SLIT2: variants seen among roughly 807,000 people sequenced by gnomAD.
SLIT2 encodes the protein slit guidance ligand 2, also known as slit homolog 2 protein.
A neutral mutation model predicts 185.7 loss-of-function variants in SLIT2; 41 were observed. The ratio of observed to expected loss-of-function variants is 0.22; its 90% CI spans 0.17 to 0.29. SLIT2 has a LOEUF of 0.29. SLIT2 is among the 10% of genes least tolerant of loss of function. The pLI is 1.00. For missense variants in SLIT2, 1,571 were observed against 1,909.0 expected, an observed-to-expected ratio of 0.82 and a Z score of 3.30; for synonymous variants, 693 against 680.2, an observed-to-expected ratio of 1.02 and a Z score of -0.29.
At chr4:20,280,989 C>T (rs547780362) in intron 4 of SLIT2, among the ~76,000 whole-genome samples, 9 of 152,166 alleles carry the variant, frequency 5.9e-5, no homozygotes, top group African/African-American at 1.7e-4. Context: ...TGCGCCACCA[C>T]GCCCGGCTGA....
At chr4:20,275,615 A>G (rs1317855097) in intron 4 of SLIT2, among the ~76,000 whole-genome samples, 1 of 152,162 alleles carries the variant, frequency 6.6e-6, no homozygotes, top group African/African-American at 2.4e-5. Context: ...AGTCACATTA[A>G]TTATCTTACC....
chr4:20,318,684 T>G (rs996193204), intron 4 of SLIT2, among the ~76,000 whole-genome samples: 1 of 152,168 alleles, frequency 6.6e-6, no homozygotes, highest in African/African-American at 2.4e-5. Context: ...TAGCTCACTT[T>G]GAACACAAGC....
intron 3 of SLIT2, among the ~76,000 whole-genome samples, chr4:20,266,757 A>T (rs180788452): frequency 6.6e-6 from 1 of 152,100 alleles, no homozygotes; most frequent in East Asian, 1.9e-4. Context: ...ATGAATAAAT[A>T]TTACACAGTG....
At chr4:20,540,635 A>G (rs1402285014) in intron 19 of SLIT2, among the ~76,000 whole-genome samples, 1 of 152,226 alleles carries the variant, frequency 6.6e-6, no homozygotes, top group Non-Finnish European at 1.5e-5. Context: ...TTTCTCAGTA[A>G]CGGTGGCATG....
At chr4:20,396,101 A>G (rs1337107254) in intron 4 of SLIT2, among the ~76,000 whole-genome samples, 3 of 151,952 alleles carry the variant, frequency 2.0e-5, no homozygotes, top group Non-Finnish European at 2.9e-5. Flanking sequence ...CACAGAGTAT[A>G]TAATAACAAA....
chr4:20,570,212 T>G (rs527671135), intron 29 of SLIT2, among the ~76,000 whole-genome samples: 29 of 152,198 alleles, frequency 1.9e-4, no homozygotes, highest in African/African-American at 6.7e-4. Flanking sequence ...AAGTTTCCAG[T>G]AGAAATTTGA....
chr4:20,331,158 A>C (rs948683695), intron 4 of SLIT2, among the ~76,000 whole-genome samples: 2 of 152,288 alleles, frequency 1.3e-5, no homozygotes, highest in East Asian at 3.9e-4. Flanking sequence ...GATACTAGAC[A>C]TGCCTTTTTG....
At position 20,518,571 on chromosome 4, in the gene SLIT2, A is replaced by G. The variant is rs1471295982; in HGVS notation, c.1059-811A>G. Among the ~76,000 whole-genome samples, 50 of 15,978 alleles carry G rather than the reference A, an allele frequency of 3.1e-3. 4 individuals carry two copies. Among genetic ancestry groups the G allele is most frequent in the East Asian group, 0.022 (9 of 416 alleles). The allele number at this position is 15,978 out of a possible 152,430, so 10.5% of individuals were successfully genotyped here. ...CCAGCCTATATGTATATATATATAT[A>G]TATATATATATATATATTTTTTTTT... is the stretch of plus-strand genomic sequence containing the variant. On this transcript the variant is annotated intron_variant, in intron 11 of 36. Coordinates refer to ENST00000504154, the MANE Select transcript of SLIT2 (RefSeq NM_004787.4).
chr4:20,560,596 T>C (rs1180774142), intron 26 of SLIT2, among the ~76,000 whole-genome samples: 1 of 151,988 alleles, frequency 6.6e-6, no homozygotes, highest in African/African-American at 2.4e-5. Context: ...CAGATAGTCA[T>C]TGAGAAAGTC....
rs185355849 is a variant in SLIT2, at chr4:20,427,564, C to T, written c.396-40188C>T. On this transcript the variant is annotated intron_variant, in intron 4 of 36. Coordinates refer to ENST00000504154, the MANE Select transcript of SLIT2 (RefSeq NM_004787.4). Reference sequence around the variant, plus strand: ...TTTTGTGTCCAAAGTTAATTAATAACGGCTGCAGGCCAGTGTTCTTGTAGG... The same window carrying T: ...TTTTGTGTCCAAAGTTAATTAATAATGGCTGCAGGCCAGTGTTCTTGTAGG... Among the ~76,000 whole-genome samples, 228 of 152,154 alleles carry T rather than the reference C, an allele frequency of 1.5e-3. 1 individual carries two copies. Among genetic ancestry groups the T allele is most frequent in the Admixed American group, 2.2e-3 (34 of 15,276 alleles).
At chr4:20,576,193 C>T (rs992015322) in intron 29 of SLIT2, among the ~76,000 whole-genome samples, 1 of 152,134 alleles carries the variant, frequency 6.6e-6, no homozygotes, top group African/African-American at 2.4e-5. Flanking sequence ...TGATGCCATT[C>T]CTCATGGCAG....
intron 4 of SLIT2, among the ~76,000 whole-genome samples, chr4:20,431,724 C>T (rs1294187403): frequency 3.3e-5 from 5 of 152,166 alleles, no homozygotes; most frequent in African/African-American, 4.8e-5. Flanking sequence ...GGTCGAGGTC[C>T]GCTGTAACAT....
At position 20,253,133 on chromosome 4, in the gene SLIT2, C is replaced by G. The variant is rs1722169908; in HGVS notation, c.-683C>G. 1 of 153,606 alleles carries G rather than the reference C, an allele frequency of 6.5e-6. No homozygotes were observed. The highest frequency in any genetic ancestry group is 2.4e-5 in the African/African-American group (1 of 41,422). The allele number at this position is 153,606 out of a possible 1,614,324, so 9.5% of individuals were successfully genotyped here. On this transcript the variant is annotated 5_prime_UTR_variant, in exon 1 of 37. Coordinates refer to ENST00000504154, the MANE Select transcript of SLIT2 (RefSeq NM_004787.4). The stretch of plus-strand genomic sequence containing the variant: ...ACCATCGTTGGCTGTCGGGAGACCG[C>G]GAGGACCGGTCCAGGCTGCGGCGGA...
At chr4:20,507,470 T>C (rs924616860) in intron 9 of SLIT2, among the ~76,000 whole-genome samples, 4 of 151,930 alleles carry the variant, frequency 2.6e-5, no homozygotes, top group African/African-American at 9.7e-5. Flanking sequence ...ATTTCAGAAG[T>C]CTCTATGCTG....
intron 4 of SLIT2, among the ~76,000 whole-genome samples, chr4:20,330,813 CAG>C (rs1720000459): frequency 6.8e-6 from 1 of 148,068 alleles, no homozygotes; most frequent in South Asian, 2.1e-4. Context: ...CATGGTCTTA[CAG>C]AGTTAGAAAA....
At position 20,595,782 on chromosome 4, in the gene SLIT2, C is replaced by T; in HGVS notation, c.3268C>T (p.His1090Tyr). 1.2e-6 allele frequency: 2 copies of T among 1,614,090 alleles called. No individual in the cohort carries two copies. The highest frequency in any genetic ancestry group is 8.5e-7 in the Non-Finnish European group (1 of 1,179,998). The change falls in exon 31 of 37, where the codon CAC becomes TAC. Residue 1090 changes from histidine to tyrosine, a missense_variant. Physicochemically the swap from His to Tyr is moderately conservative, Grantham distance 83. Around this residue, in one of 3 missense-constraint regions of SLIT2, gnomAD observed 1,202 missense variants for 1,416.4 expected, o/e 0.85. Transcript: ENST00000504154. ...CQDNKCKNGAHCTDAVNGYTC... is the reference protein window; with the variant it reads ...CQDNKCKNGAYCTDAVNGYTC... ...AGACAACAAGTGTAAAAACGGAGCCCACTGCACAGATGCAGTGAACGGCTA... is the reference window on the plus strand; with the variant it reads ...AGACAACAAGTGTAAAAACGGAGCCTACTGCACAGATGCAGTGAACGGCTA...
intron 17 of SLIT2, 183 bp from the exon 18 acceptor site, chr4:20,533,389 T>G (rs1560171736): frequency 3.4e-6 from 2 of 596,152 alleles, no homozygotes; most frequent in Non-Finnish European, 6.1e-6. Context: ...AGACATTCCC[T>G]GTTAGTATTA....
chr4:20,485,215 G>T (rs2148786792), intron 6 of SLIT2, among the ~76,000 whole-genome samples: 1 of 152,208 alleles, frequency 6.6e-6, no homozygotes, highest in South Asian at 2.1e-4. Flanking sequence ...TTTTTCTGAA[G>T]GGTGATGAAA....
Position 20,253,815 on chromosome 4 carries a change from G to C in SLIT2, c.-1G>C. On this transcript the variant is annotated 5_prime_UTR_variant, in exon 1 of 37. Transcript: ENST00000504154. Reference sequence around the variant, plus strand: ...GGCGAGGAAGGAGGCGGCGGGGAAAGATGCGCGGCGTTGGCTGGCAGATGC... The same window carrying C: ...GGCGAGGAAGGAGGCGGCGGGGAAACATGCGCGGCGTTGGCTGGCAGATGC... The C allele has an allele frequency of 6.3e-7, 1 of 1,598,442 alleles. No individual in the cohort carries two copies. Among genetic ancestry groups the C allele is most frequent in the South Asian group, 1.1e-5 (1 of 91,032 alleles).
Sources: allele counts gnomAD v4.1 joint callset (sites outside exome capture counted in the v4.1 genomes callset), GRCh38; gene constraint gnomAD v4.1.1; regional missense constraint gnomAD v4.1.1; transcripts MANE v1.5; gene names NCBI Gene and HGNC (gene_info 2026-07-23, HGNC 2026-07-21).